The following TENM1 variants were observed in gnomAD, a reference collection of about 807,000 sequenced individuals.
The protein encoded by TENM1 is teneurin-1.
A neutral mutation model predicts 174.8 loss-of-function variants in TENM1; 35 were observed. The observed-to-expected ratio is 0.20, with a 90% CI of 0.15 to 0.27. The LOEUF (loss-of-function observed/expected upper bound fraction) is 0.27. Ranked by LOEUF, TENM1 falls within the 10% of genes least tolerant of loss-of-function variation. The pLI, the probability that TENM1 is intolerant of heterozygous loss-of-function variation, is 1.00. For missense variants in TENM1, 1,633 were observed against 2,130.1 expected, an observed-to-expected ratio of 0.77 and a Z score of 4.59; for synonymous variants, 781 against 798.7, an observed-to-expected ratio of 0.98 and a Z score of 0.37.
At chrX:124,649,140 C>A (rs912114440) in intron 8 of TENM1, among the ~76,000 whole-genome samples, 1 of 112,208 alleles carries the variant, frequency 8.9e-6, no homozygotes, top group Non-Finnish European at 1.9e-5. Flanking sequence ...TAATCTTTGA[C>A]TTCTATCTTT....
At chrX:124,477,800 G>A (rs2046764411) in intron 22 of TENM1, among the ~76,000 whole-genome samples, 1 of 111,017 alleles carries the variant, frequency 9.0e-6, no homozygotes, top group Non-Finnish European at 1.9e-5. Context: ...TCGGAGTCAG[G>A]CAGACCTGGT....
At chrX:124,854,220 T>TG (rs1569465268) in intron 3 of TENM1, among the ~76,000 whole-genome samples, 1 of 111,572 alleles carries the variant, frequency 9.0e-6, no homozygotes. Context: ...TGGATGGAGT[T>TG]GGAGACCATT....
the TENM1 span, among the ~76,000 whole-genome samples, chrX:125,019,889 C>T: frequency 9.0e-6 from 1 of 111,234 alleles, no homozygotes; most frequent in Admixed American, 9.6e-5. Flanking sequence ...GTAATAAGTC[C>T]ATGGCATAAT....
At chrX:124,381,346 G>A in intron 31 of TENM1, 52 bp from the exon 35 acceptor site, 1 of 1,075,839 alleles carries the variant, frequency 9.3e-7, no homozygotes, top group Non-Finnish European at 1.2e-6. Context: ...ACATCTGTCA[G>A]ATACTTGGTG....
chrX:124,967,352 C>T (rs769384275), upstream of TENM1, among the ~76,000 whole-genome samples: 6 of 111,402 alleles, frequency 5.4e-5, no homozygotes, highest in South Asian at 3.8e-4. Flanking sequence ...TAGACTTTCA[C>T]CCAGAAAAGG....
At chrX:124,804,064 A>G (rs2055525979) in intron 3 of TENM1, among the ~76,000 whole-genome samples, 1 of 112,110 alleles carries the variant, frequency 8.9e-6, no homozygotes, top group Non-Finnish European at 1.9e-5. Context: ...CACTATTTAC[A>G]TGTTAATGAA....
chrX:124,728,823 T>A (rs969495808), intron 4 of TENM1, among the ~76,000 whole-genome samples: 1 of 111,978 alleles, frequency 8.9e-6, no homozygotes, highest in Admixed American at 9.5e-5. Flanking sequence ...ATCTGTCATA[T>A]CCTACCTGTG....
chrX:125,063,814 A>G, the TENM1 span, among the ~76,000 whole-genome samples: 1 of 111,660 alleles, frequency 9.0e-6, no homozygotes, highest in Non-Finnish European at 1.9e-5. Flanking sequence ...TACTAGGTAT[A>G]TACCCAAAGG....
chrX:124,419,590 T>G (rs1191241506), intron 25 of TENM1, among the ~76,000 whole-genome samples: 1 of 112,088 alleles, frequency 8.9e-6, no homozygotes, highest in Non-Finnish European at 1.9e-5. Context: ...CCTAGTAGCT[T>G]GCTGTCAGAC....
chrX:124,885,135 C>T (rs902625825), intron 3 of TENM1, among the ~76,000 whole-genome samples: 2 of 110,993 alleles, frequency 1.8e-5, no homozygotes, highest in African/African-American at 6.6e-5. Context: ...TTGACCAAAA[C>T]ACTCTTATAC....
the TENM1 span, among the ~76,000 whole-genome samples, chrX:125,014,590 CTT>C: frequency 0.013 from 1,432 of 109,697 alleles, 8 homozygotes; most frequent in Middle Eastern, 0.038. Flanking sequence ...AAAAGTCACT[CTT>C]TGAGTAACAC....
chrX:124,830,987 G>A (rs1175152024), intron 3 of TENM1, among the ~76,000 whole-genome samples: 1 of 111,836 alleles, frequency 8.9e-6, no homozygotes, highest in Non-Finnish European at 1.9e-5. Context: ...GTAATGGGCT[G>A]TGATGATTTA....
intron 3 of TENM1, among the ~76,000 whole-genome samples, chrX:124,834,016 A>G (rs1210320223): frequency 3.6e-5 from 4 of 111,029 alleles, no homozygotes; most frequent in African/African-American, 1.3e-4. Context: ...AGGTCCAGAA[A>G]GACATAAGTA....
rs367915041 is a variant in TENM1 at position 124,422,331 on chromosome X, A to G, written c.4412T>C (p.Ile1471Thr). 5.8e-6 allele frequency: 7 copies of G among 1,209,728 alleles called. No homozygotes were observed. The African/African-American group carries it at 7.0e-5, about 12-fold the overall frequency. Residue 1471 changes from isoleucine (I) to threonine (T), a missense_variant, in exon 24 of 32, where the codon ATC becomes ACC. Physicochemically the swap from Ile to Thr is moderately conservative, Grantham distance 89. Coordinates refer to ENST00000422452, the Ensembl canonical transcript of TENM1. ...GTCACAGTCAGTGGGGGCACCAGCG[A>G]TGATGTAGATCTCCCCATTGGTGGT...
intron 5 of TENM1, among the ~76,000 whole-genome samples, chrX:124,689,772 TG>T (rs1275481375): frequency 1.2e-3 from 130 of 110,814 alleles, no homozygotes; most frequent in African/African-American, 4.0e-3. Flanking sequence ...ACATATACTA[TG>T]TTTTTTTTTT....
intron 6 of TENM1, among the ~76,000 whole-genome samples, chrX:124,665,198 G>C (rs1569375611): frequency 9.0e-6 from 1 of 111,384 alleles, no homozygotes; most frequent in East Asian, 2.8e-4. Context: ...AAATTAGCCT[G>C]GCATGGTGGC....
chrX:124,848,293 A>C (rs978350317), intron 3 of TENM1, among the ~76,000 whole-genome samples: 2 of 110,637 alleles, frequency 1.8e-5, no homozygotes, highest in Non-Finnish European at 3.8e-5. Context: ...AGTGTATCTA[A>C]ATTTTCTGTG....
intron 1 of TENM1, among the ~76,000 whole-genome samples, chrX:124,925,317 C>T (rs1326461005): frequency 9.0e-6 from 1 of 110,635 alleles, no homozygotes; most frequent in African/African-American, 3.3e-5. Context: ...TAATAAATTA[C>T]TTGGATTTTA....
intron 23 of TENM1, among the ~76,000 whole-genome samples, chrX:124,434,122 G>A (rs946014982): frequency 6.1e-4 from 68 of 111,460 alleles, no homozygotes; most frequent in African/African-American, 2.1e-3. Context: ...TCAGGCTAGT[G>A]TATCTTCAGT....
Sources: gnomAD v4.1 joint callset for allele counts (sites outside exome capture counted in the v4.1 genomes callset) on GRCh38, gnomAD v4.1.1 for gene constraint, MANE v1.5 for transcripts, NCBI Gene and HGNC (gene_info 2026-07-23, HGNC 2026-07-21) for gene names.